STXBP5L: variants seen among roughly 807,000 people sequenced by gnomAD.
STXBP5L encodes syntaxin binding protein 5L.
STXBP5L carries 65 observed loss-of-function variants against 144.5 expected under a neutral mutation model. That is an observed-to-expected ratio of 0.45 (90% confidence interval 0.37 to 0.55). The LOEUF (loss-of-function observed/expected upper bound fraction) is 0.55, where lower values mean the gene tolerates loss of function less well. Among genes scored for constraint, STXBP5L ranks in the 20% least tolerant of loss-of-function variants. The pLI, the probability that STXBP5L is intolerant of heterozygous loss-of-function variation, is 0.00. For synonymous variants in STXBP5L, 505 were observed against 469.6 expected (o/e 1.08, Z -0.97); for missense variants, 1,298 against 1,405.5 (o/e 0.92, Z 1.22).
At chr3:120,916,105 G>A (rs1709088120) in intron 2 of STXBP5L, among the ~76,000 whole-genome samples, 1 of 151,960 alleles carries the variant, frequency 6.6e-6, no homozygotes, top group Non-Finnish European at 1.5e-5. Context: ...ATATATTCTG[G>A]ACTTATCTAA....
Position 121,364,739 on chromosome 3 carries a change from T to A in STXBP5L, c.2177-13977T>A, listed in dbSNP as rs1170010909. 2.6e-5 allele frequency among the ~76,000 whole-genome samples: 4 copies of A among 152,028 alleles called. No individual in the cohort carries two copies. In the East Asian group the frequency reaches 7.7e-4, roughly 29 times the overall value. On this transcript the variant is annotated intron_variant, in intron 20 of 26. Coordinates refer to ENST00000471454, the MANE Select transcript of STXBP5L (RefSeq NM_001308330.2). The stretch of plus-strand genomic sequence containing the variant: ...GTAAATGAAATTTTTTATAATTTCC[T>A]TTGCCGATTGTTTATATAAAGAAAT...
At chr3:121,002,776 A>G (rs998603463) in intron 3 of STXBP5L, among the ~76,000 whole-genome samples, 4 of 148,904 alleles carry the variant, frequency 2.7e-5, no homozygotes, top group South Asian at 2.1e-4. Context: ...TCATTGTTCA[A>G]TTCCCAGCTA....
At chr3:121,252,290 T>A (rs2050051603) in intron 15 of STXBP5L, among the ~76,000 whole-genome samples, 1 of 151,788 alleles carries the variant, frequency 6.6e-6, no homozygotes, top group Non-Finnish European at 1.5e-5. Context: ...TGCTGGAATC[T>A]GGGAGGCAGA....
intron 5 of STXBP5L, among the ~76,000 whole-genome samples, chr3:121,084,831 G>A (rs1414711499): frequency 6.6e-6 from 1 of 152,228 alleles, no homozygotes; most frequent in Non-Finnish European, 1.5e-5. Flanking sequence ...ATTCCCACCA[G>A]CAGAGTAAAA....
In STXBP5L at chr3:121,391,123, T is replaced by G. The variant is rs190176851; in HGVS notation, c.2587+9591T>G. ...CTCTACCTTGTTTTCTCACTTTATT[T>G]CATTAATTTGATCTTGCATCACTGA... On this transcript the variant is annotated intron_variant, in intron 22 of 26. Coordinates refer to ENST00000471454, the MANE Select transcript of STXBP5L (RefSeq NM_001308330.2). Among the ~76,000 whole-genome samples, 549 of 152,322 alleles carry G rather than the reference T, an allele frequency of 3.6e-3. 2 individuals are homozygous for G. The highest frequency in any genetic ancestry group is 0.013 in the African/African-American group (524 of 41,578).
chr3:121,092,498 G>A (rs1380004273), intron 5 of STXBP5L, among the ~76,000 whole-genome samples: 1 of 152,144 alleles, frequency 6.6e-6, no homozygotes, highest in African/African-American at 2.4e-5. Flanking sequence ...TCCCTTGTAA[G>A]TTGGATTCCT....
chr3:121,250,334 CTT>C (rs1170967840), intron 14 of STXBP5L, among the ~76,000 whole-genome samples: 3 of 151,860 alleles, frequency 2.0e-5, no homozygotes, highest in African/African-American at 7.2e-5. Flanking sequence ...TATTTTGAAA[CTT>C]AACTGAATTT....
At chr3:120,981,768 C>G (rs1052704405) in intron 3 of STXBP5L, among the ~76,000 whole-genome samples, 2 of 152,138 alleles carry the variant, frequency 1.3e-5, no homozygotes, top group African/African-American at 4.8e-5. Context: ...TGCCAGTGTT[C>G]TTATGCTGGT....
intron 9 of STXBP5L, among the ~76,000 whole-genome samples, chr3:121,164,295 G>A (rs2046425030): frequency 6.6e-6 from 1 of 152,142 alleles, no homozygotes; most frequent in Non-Finnish European, 1.5e-5. Flanking sequence ...AAACCACTAT[G>A]AGAAATCATC....
intron 3 of STXBP5L, among the ~76,000 whole-genome samples, chr3:121,005,436 C>T (rs1447463701): frequency 5.9e-5 from 9 of 152,068 alleles, no homozygotes; most frequent in Non-Finnish European, 1.5e-5. Context: ...TTTGATTCTT[C>T]TCTCTTTTCT....
chr3:120,991,340 G>A (rs35046871), intron 3 of STXBP5L, among the ~76,000 whole-genome samples: 13,862 of 150,506 alleles, frequency 0.092, 658 homozygotes, highest in Admixed American at 0.18. Flanking sequence ...AACAGGTGCT[G>A]GAGAGGATGT....
At chr3:120,974,255 C>T (rs1171549794) in intron 3 of STXBP5L, among the ~76,000 whole-genome samples, 1 of 152,108 alleles carries the variant, frequency 6.6e-6, no homozygotes, top group Non-Finnish European at 1.5e-5. Context: ...GAGATGGTAT[C>T]TCATTGTGGT....
At chr3:121,268,336 A>G (rs1208074481) in intron 18 of STXBP5L, among the ~76,000 whole-genome samples, 2 of 152,266 alleles carry the variant, frequency 1.3e-5, no homozygotes, top group East Asian at 1.9e-4. Context: ...GTCCCCACTC[A>G]TAAGTGGGAG....
intron 5 of STXBP5L, among the ~76,000 whole-genome samples, chr3:121,065,118 C>A (rs375163382): frequency 2.4e-4 from 37 of 151,774 alleles, no homozygotes; most frequent in African/African-American, 9.0e-4. Flanking sequence ...ATATGTACCA[C>A]ATTTTCTTTA....
chr3:120,992,005 T>G (rs971973888), intron 3 of STXBP5L, among the ~76,000 whole-genome samples: 2 of 152,154 alleles, frequency 1.3e-5, no homozygotes, highest in South Asian at 2.1e-4. Context: ...AAAAAATTAA[T>G]ATTTATATGG....
chr3:121,019,124 C>T (rs1340280150), intron 3 of STXBP5L, among the ~76,000 whole-genome samples: 1 of 152,122 alleles, frequency 6.6e-6, no homozygotes, highest in East Asian at 1.9e-4. Context: ...TCCCGGGTGA[C>T]CTGTGGGATG....
At chr3:121,017,313 C>A (rs1177791100) in intron 3 of STXBP5L, among the ~76,000 whole-genome samples, 2 of 152,108 alleles carry the variant, frequency 1.3e-5, no homozygotes, top group African/African-American at 4.8e-5. Flanking sequence ...GAACATCTAC[C>A]AAGAACCTAC....
At chr3:121,360,853 A>T (rs1364200705) in intron 20 of STXBP5L, among the ~76,000 whole-genome samples, 2 of 152,038 alleles carry the variant, frequency 1.3e-5, no homozygotes, top group Admixed American at 6.6e-5. Context: ...ATAATATTTT[A>T]TGCTTTTCTG....
chr3:121,321,112 A>G (rs577809001), intron 20 of STXBP5L, among the ~76,000 whole-genome samples: 4 of 152,336 alleles, frequency 2.6e-5, no homozygotes, highest in Middle Eastern at 6.8e-3. Context: ...TTGAGGCAGA[A>G]ATGATGGATT....
Sources: gnomAD v4.1 joint callset for allele counts (sites outside exome capture counted in the v4.1 genomes callset) on GRCh38, gnomAD v4.1.1 for gene constraint, MANE v1.5 for transcripts, NCBI Gene and HGNC (gene_info 2026-07-23, HGNC 2026-07-21) for gene names.